Variants in DOCK1 observed in about 807,000 individuals in gnomAD.
The protein encoded by DOCK1 is dedicator of cytokinesis 1.
In DOCK1, 138 loss-of-function variants were observed where a neutral mutation model predicts 262.7. The ratio of observed to expected loss-of-function variants is 0.53; its 90% CI spans 0.46 to 0.61. DOCK1 has a LOEUF of 0.61. Ranked by LOEUF, DOCK1 falls within the 20% of genes least tolerant of loss-of-function variation. The pLI is 0.00. For missense variants in DOCK1, 1,908 were observed against 2,370.7 expected (o/e 0.80, Z 4.05); for synonymous variants, 866 against 867.4 (o/e 1.00, Z 0.03).
At chr10:127,322,318 T>C (rs994732311) in intron 29 of DOCK1, among the ~76,000 whole-genome samples, 1 of 148,720 alleles carries the variant, frequency 6.7e-6, no homozygotes, top group Non-Finnish European at 1.5e-5. Flanking sequence ...GCCTCCTAAG[T>C]AGCTGGGATT....
chr10:126,968,430 A>C (rs1377354655), intron 1 of DOCK1, among the ~76,000 whole-genome samples: 2 of 152,112 alleles, frequency 1.3e-5, no homozygotes, highest in African/African-American at 4.8e-5. Flanking sequence ...CTACAAAATC[A>C]TGGGTTGTCT....
chr10:127,255,407 A>G (rs941778900), intron 28 of DOCK1, among the ~76,000 whole-genome samples: 2 of 152,172 alleles, frequency 1.3e-5, no homozygotes, highest in African/African-American at 4.8e-5. Flanking sequence ...AATAAAATAA[A>G]TAGAAACTAA....
At chr10:126,985,712 A>G (rs2039332585) in intron 4 of DOCK1, among the ~76,000 whole-genome samples, 1 of 152,112 alleles carries the variant, frequency 6.6e-6, no homozygotes, top group African/African-American at 2.4e-5. Context: ...CTTTATAGGG[A>G]TGACACCGTA....
intron 1 of DOCK1, among the ~76,000 whole-genome samples, chr10:126,958,906 G>A (rs965918167): frequency 3.9e-5 from 6 of 152,206 alleles, no homozygotes; most frequent in Non-Finnish European, 7.3e-5. Context: ...GCCCTCAGGA[G>A]GTCCTGAGAA....
At chr10:127,169,344 T>C (rs2054356200) in intron 27 of DOCK1, among the ~76,000 whole-genome samples, 1 of 152,194 alleles carries the variant, frequency 6.6e-6, no homozygotes, top group African/African-American at 2.4e-5. Flanking sequence ...CCTCATTGCC[T>C]GGCACAGTGT....
At chr10:127,036,869 T>TCGGAGG (rs2043657905) in intron 18 of DOCK1, among the ~76,000 whole-genome samples, 1 of 151,200 alleles carries the variant, frequency 6.6e-6, no homozygotes, top group African/African-American at 2.4e-5. Context: ...CTTAGCTACT[T>TCGGAGG]CGGAGGCTGA....
At chr10:127,214,085 G>C (rs1434952526) in intron 27 of DOCK1, among the ~76,000 whole-genome samples, 1 of 152,172 alleles carries the variant, frequency 6.6e-6, no homozygotes, top group Admixed American at 6.5e-5. Flanking sequence ...CTGACCTTGT[G>C]ATCCACTCGC....
At chr10:127,066,572 T>C (rs1196557809) in intron 23 of DOCK1, among the ~76,000 whole-genome samples, 1 of 152,124 alleles carries the variant, frequency 6.6e-6, no homozygotes, top group Non-Finnish European at 1.5e-5. Flanking sequence ...CAAGCCTTTT[T>C]CCCTCGTGGA....
intron 19 of DOCK1, among the ~76,000 whole-genome samples, chr10:127,039,157 CAT>C (rs1239445816): frequency 6.6e-6 from 1 of 152,192 alleles, no homozygotes; most frequent in Non-Finnish European, 1.5e-5. Context: ...ACTCTTCAGA[CAT>C]ATACTCACTA....
intron 27 of DOCK1, among the ~76,000 whole-genome samples, chr10:127,243,869 A>G (rs1590092277): frequency 6.6e-6 from 1 of 152,130 alleles, no homozygotes; most frequent in East Asian, 1.9e-4. Context: ...CTCTTTATAA[A>G]AACAATCTGG....
intron 27 of DOCK1, among the ~76,000 whole-genome samples, chr10:127,165,434 G>A (rs1175261814): frequency 6.6e-6 from 1 of 152,114 alleles, no homozygotes. Context: ...CTTTGCTAGG[G>A]GGATAACCTA....
intron 29 of DOCK1, among the ~76,000 whole-genome samples, chr10:127,281,831 C>T (rs1018591050): frequency 6.6e-6 from 1 of 152,106 alleles, no homozygotes; most frequent in African/African-American, 2.4e-5. Context: ...TAGCTCTGTA[C>T]AGCTCCCTGG....
intron 29 of DOCK1, among the ~76,000 whole-genome samples, chr10:127,329,434 T>TG (rs2062879179): frequency 6.8e-6 from 1 of 147,804 alleles, no homozygotes; most frequent in African/African-American, 2.5e-5. Flanking sequence ...GCAGGGTCTC[T>TG]GGGGTGCTGT....
chr10:127,035,072 T>G (rs1464996417), intron 18 of DOCK1, among the ~76,000 whole-genome samples: 1 of 152,224 alleles, frequency 6.6e-6, no homozygotes, highest in Non-Finnish European at 1.5e-5. Context: ...ATGGGAAGTC[T>G]GCCTTTCATT....
intron 1 of DOCK1, among the ~76,000 whole-genome samples, chr10:126,915,233 T>C (rs1465366537): frequency 1.3e-5 from 2 of 152,120 alleles, no homozygotes; most frequent in Non-Finnish European, 2.9e-5. Flanking sequence ...TCCTCAGGAC[T>C]TTCACCCTGA....
At chr10:127,070,891 C>G (rs1309091299) in intron 23 of DOCK1, among the ~76,000 whole-genome samples, 1 of 152,068 alleles carries the variant, frequency 6.6e-6, no homozygotes, top group East Asian at 1.9e-4. Context: ...TCGCCTTGCA[C>G]AGACAGCTGC....
At chr10:127,338,393 C>CT (rs1409677422) in intron 29 of DOCK1, among the ~76,000 whole-genome samples, 1 of 152,174 alleles carries the variant, frequency 6.6e-6, no homozygotes, top group Admixed American at 6.5e-5. Flanking sequence ...TAAAATTATA[C>CT]TTTATCAATG....
At chr10:127,291,588 G>T (rs960141370) in intron 29 of DOCK1, among the ~76,000 whole-genome samples, 5 of 152,038 alleles carry the variant, frequency 3.3e-5, no homozygotes, top group African/African-American at 4.8e-5. Flanking sequence ...TCAGTTCCGT[G>T]TGAGAACCTG....
At chr10:127,180,162 C>T (rs1025885201) in intron 27 of DOCK1, among the ~76,000 whole-genome samples, 2 of 152,234 alleles carry the variant, frequency 1.3e-5, no homozygotes, top group Non-Finnish European at 2.9e-5. Flanking sequence ...CTCATCTGAG[C>T]AATGCCCTTG....
Sources: gnomAD v4.1 joint callset for allele counts (sites outside exome capture counted in the v4.1 genomes callset) on GRCh38, gnomAD v4.1.1 for gene constraint, MANE v1.5 for transcripts, NCBI Gene and HGNC (gene_info 2026-07-23, HGNC 2026-07-21) for gene names.